Variants in IL18R1 observed in about 807,000 individuals in gnomAD.
IL18R1 encodes the protein interleukin-18 receptor 1.
A neutral mutation model predicts 48.5 loss-of-function variants in IL18R1; 40 were observed. That is an observed-to-expected ratio of 0.82 (90% CI 0.64 to 1.07). The LOEUF (loss-of-function observed/expected upper bound fraction) is 1.07. Among genes scored for constraint, IL18R1 ranks in the 50% least tolerant of loss-of-function variants. IL18R1 has a pLI of 0.00. For synonymous variants in IL18R1, 232 were observed against 225.9 expected (o/e 1.03, Z -0.24); for missense variants, 596 against 633.7 (o/e 0.94, Z 0.64).
chr2:102,388,109 G>A (rs772168522), intron 8 of IL18R1, among the ~76,000 whole-genome samples: 7 of 152,132 alleles, frequency 4.6e-5, no homozygotes, highest in Non-Finnish European at 8.8e-5. Flanking sequence ...TTGGCTTTGT[G>A]AGAAACGGAA....
chr2:102,364,337 C>T (rs1678758737), intron 2 of IL18R1, among the ~76,000 whole-genome samples: 1 of 152,162 alleles, frequency 6.6e-6, no homozygotes, highest in Non-Finnish European at 1.5e-5. Flanking sequence ...CGATTAGATA[C>T]TACATTACAA....
At chr2:102,390,558 A>G (rs905401559) in intron 9 of IL18R1, among the ~76,000 whole-genome samples, 2 of 152,160 alleles carry the variant, frequency 1.3e-5, no homozygotes, top group African/African-American at 4.8e-5. Flanking sequence ...TACACTCAAT[A>G]AAGTTGCTTT....
At chr2:102,393,633 T>C (rs546536331) in intron 9 of IL18R1, among the ~76,000 whole-genome samples, 3 of 152,186 alleles carry the variant, frequency 2.0e-5, no homozygotes, top group Non-Finnish European at 4.4e-5. Context: ...TCAAACTCAG[T>C]AGCAAATTCA....
chr2:102,388,137 G>A (rs981478273), intron 8 of IL18R1, among the ~76,000 whole-genome samples: 8 of 152,244 alleles, frequency 5.3e-5, no homozygotes, highest in African/African-American at 1.7e-4. Context: ...GACAGGAAGA[G>A]CACAAAGGCT....
chr2:102,369,033 T>A (rs1679082391), intron 3 of IL18R1, among the ~76,000 whole-genome samples: 1 of 152,126 alleles, frequency 6.6e-6, no homozygotes, highest in Non-Finnish European at 1.5e-5. Context: ...CAGAAAAAAA[T>A]TAAATAACTC....
chr2:102,380,092 G>C (rs779842991), intron 5 of IL18R1, among the ~76,000 whole-genome samples: 51 of 152,092 alleles, frequency 3.4e-4, no homozygotes, highest in Non-Finnish European at 6.3e-4. Flanking sequence ...CTGGCTGATC[G>C]GGTGGCGTCT....
chr2:102,368,236 C>A (rs1258480556), intron 3 of IL18R1, among the ~76,000 whole-genome samples, 168 bp downstream of exon 3: 2 of 152,172 alleles, frequency 1.3e-5, no homozygotes, highest in Non-Finnish European at 2.9e-5. Flanking sequence ...ATAAGTTTAT[C>A]TCTCTCTGCT....
At chr2:102,367,741 C>A in intron 2 of IL18R1, 84 bp from the exon 3 acceptor site, 1 of 1,171,740 alleles carries the variant, frequency 8.5e-7, no homozygotes, top group Non-Finnish European at 1.2e-6. Context: ...TGCTTCTTCA[C>A]CTAATGCATT....
At chr2:102,366,116 C>A (rs1357503700) in intron 2 of IL18R1, among the ~76,000 whole-genome samples, 1 of 152,148 alleles carries the variant, frequency 6.6e-6, no homozygotes, top group Non-Finnish European at 1.5e-5. Context: ...TAATTCCATG[C>A]CCCCCATTCC....
chr2:102,378,144 C>T (rs887780678), intron 5 of IL18R1, among the ~76,000 whole-genome samples: 2 of 152,206 alleles, frequency 1.3e-5, no homozygotes, highest in African/African-American at 4.8e-5. Context: ...TTCCTTCCTT[C>T]TTTGATGAAG....
At chr2:102,358,217 A>T (rs1465774130) in intron 1 of IL18R1, among the ~76,000 whole-genome samples, 1 of 152,094 alleles carries the variant, frequency 6.6e-6, no homozygotes, top group African/African-American at 2.4e-5. Flanking sequence ...TTCCCTGTAC[A>T]TTATGTGTTT....
At chr2:102,360,505 C>T (rs1413921695) in intron 1 of IL18R1, among the ~76,000 whole-genome samples, 7 of 152,224 alleles carry the variant, frequency 4.6e-5, no homozygotes, top group Non-Finnish European at 5.9e-5. Flanking sequence ...CCTCATGATC[C>T]GCCCATCTCG....
chr2:102,361,622 G>A (rs900080291), intron 1 of IL18R1, among the ~76,000 whole-genome samples: 1 of 152,212 alleles, frequency 6.6e-6, no homozygotes, highest in Admixed American at 6.5e-5. Context: ...TGACCAAATA[G>A]GCTCTAAGAC....
Position 102,375,950 on chromosome 2 carries a change from T to C in IL18R1, c.512T>C (p.Ile171Thr). Residue 171 changes from isoleucine (I) to threonine (T), a missense_variant, in exon 5 of 11, where the codon ATA becomes ACA. This residue lies in a region of IL18R1 where 360 missense variants were observed against 339.4 expected (regional missense o/e 1.06). Transcript: ENST00000233957. ...CTGGAGAACAATAAAAACCCAACGA[T>C]AAAGAAGAACGCCGAGTTTGAAGAT... is the stretch of plus-strand genomic sequence containing the variant. ...LLLENNKNPT[I>T]KKNAEFEDQG... is the part of the protein sequence containing the mutation. 7 of 1,603,726 alleles carry C rather than the reference T, an allele frequency of 4.4e-6. No individual in the cohort carries two copies. The highest frequency in any genetic ancestry group is 5.9e-6 in the Non-Finnish European group (7 of 1,176,782).
At chr2:102,391,395 C>A (rs2105125940) in intron 9 of IL18R1, among the ~76,000 whole-genome samples, 1 of 152,314 alleles carries the variant, frequency 6.6e-6, no homozygotes, top group South Asian at 2.1e-4. Context: ...ATACCTTAGA[C>A]ACACTTGCAT....
chr2:102,396,509 A>G, intron 10 of IL18R1, 22 bp from the exon 11 acceptor site: 1 of 1,372,622 alleles, frequency 7.3e-7, no homozygotes, highest in Non-Finnish European at 1.0e-6. Flanking sequence ...TTAAATTAAT[A>G]GGGGTTATCT....
chr2:102,370,513 T>G (rs989931683), intron 3 of IL18R1, among the ~76,000 whole-genome samples: 2 of 152,222 alleles, frequency 1.3e-5, no homozygotes, highest in Non-Finnish European at 2.9e-5. Flanking sequence ...ATGGACCCAC[T>G]GCCTATAACT....
chr2:102,377,420 T>C (rs1442950697), intron 5 of IL18R1, among the ~76,000 whole-genome samples: 2 of 152,174 alleles, frequency 1.3e-5, no homozygotes, highest in Non-Finnish European at 2.9e-5. Flanking sequence ...GTTCACACCA[T>C]TCTCCTGCCT....
intron 1 of IL18R1, among the ~76,000 whole-genome samples, chr2:102,356,717 C>T (rs991130178): frequency 2.0e-5 from 3 of 152,106 alleles, no homozygotes; most frequent in African/African-American, 7.2e-5. Context: ...CTTATTTTCA[C>T]TTAATCCTCC....
Sources: allele counts gnomAD v4.1 joint callset (sites outside exome capture counted in the v4.1 genomes callset), GRCh38; gene constraint gnomAD v4.1.1; regional missense constraint gnomAD v4.1.1; transcripts MANE v1.5; gene names NCBI Gene and HGNC (gene_info 2026-07-23, HGNC 2026-07-21).